Variants in ANAPC10 observed in about 807,000 individuals in gnomAD.
ANAPC10 encodes anaphase promoting complex subunit 10.
Under a neutral mutation model 22.0 loss-of-function variants are expected in ANAPC10, and 12 were observed. That is an observed-to-expected ratio of 0.55 (90% CI 0.35 to 0.88). ANAPC10 has a LOEUF of 0.88. ANAPC10 is among the 40% of genes least tolerant of loss of function. The pLI, the probability that ANAPC10 is intolerant of heterozygous loss-of-function variation, is 0.01. For synonymous variants in ANAPC10, 65 were observed against 69.5 expected (o/e 0.94, Z 0.32); for missense variants, 188 against 220.9 (o/e 0.85, Z 0.94).
intron 4 of ANAPC10, among the ~76,000 whole-genome samples, chr4:145,026,961 A>G (rs368631389): frequency 0.047 from 770 of 16,494 alleles, 23 homozygotes; most frequent in Non-Finnish European, 0.055. Context: ...GTGTGTGTAT[A>G]TATATATATA....
intron 3 of ANAPC10, among the ~76,000 whole-genome samples, chr4:145,067,831 TC>T (rs1299005929): frequency 6.6e-6 from 1 of 152,190 alleles, no homozygotes; most frequent in Non-Finnish European, 1.5e-5. Context: ...GGCTAAAAGA[TC>T]CAACTTCCCT....
intron 3 of ANAPC10, among the ~76,000 whole-genome samples, chr4:145,074,318 A>T (rs1647692047): frequency 6.6e-6 from 1 of 151,896 alleles, no homozygotes; most frequent in South Asian, 2.1e-4. Flanking sequence ...CTTTTTGAGG[A>T]GGGCAGAGGG....
At chr4:145,056,180 A>C (rs1742043065) in intron 4 of ANAPC10, among the ~76,000 whole-genome samples, 2 of 152,236 alleles carry the variant, frequency 1.3e-5, no homozygotes. Flanking sequence ...CATAAGATAC[A>C]GGTCATAAAG....
intron 2 of ANAPC10, among the ~76,000 whole-genome samples, chr4:145,093,606 T>C (rs1748047999): frequency 6.7e-6 from 1 of 150,220 alleles, no homozygotes; most frequent in Non-Finnish European, 1.5e-5. Context: ...AGATGAAATG[T>C]GTTAACAGAC....
At chr4:145,063,914 T>C (rs1234201784) in intron 4 of ANAPC10, 1 of 152,100 alleles carries the variant, frequency 6.6e-6, no homozygotes, top group African/African-American at 2.4e-5. Context: ...ACAGGCAATA[T>C]GGATCTATGA....
At chr4:145,074,374 T>C (rs1744904215) in intron 3 of ANAPC10, among the ~76,000 whole-genome samples, 1 of 152,092 alleles carries the variant, frequency 6.6e-6, no homozygotes, top group Non-Finnish European at 1.5e-5. Context: ...TTTTAATATA[T>C]TCTATTCAAA....
intron 2 of ANAPC10, among the ~76,000 whole-genome samples, chr4:145,085,425 G>A (rs1360399003): frequency 6.6e-6 from 1 of 151,136 alleles, no homozygotes; most frequent in Admixed American, 6.6e-5. Flanking sequence ...TTGATTAAAA[G>A]GTTTTTTTTT....
intron 4 of ANAPC10, among the ~76,000 whole-genome samples, chr4:145,038,587 G>A (rs1172452994): frequency 6.6e-6 from 1 of 152,112 alleles, no homozygotes; most frequent in Non-Finnish European, 1.5e-5. Context: ...CATTTTGGGA[G>A]GCCAAGGCAG....
At chr4:145,038,151 T>C (rs1390185830) in intron 4 of ANAPC10, among the ~76,000 whole-genome samples, 1 of 151,736 alleles carries the variant, frequency 6.6e-6, no homozygotes, top group Non-Finnish European at 1.5e-5. Context: ...CCTGGCAACA[T>C]AGTGAGACCC....
intron 4 of ANAPC10, among the ~76,000 whole-genome samples, chr4:145,054,209 A>T (rs1741574946): frequency 6.6e-6 from 1 of 150,844 alleles, no homozygotes; most frequent in South Asian, 2.1e-4. Context: ...GCCCAGCCTG[A>T]TTACTACTGT....
At chr4:145,035,508 C>T (rs1646209403) in intron 4 of ANAPC10, 1 of 152,294 alleles carries the variant, frequency 6.6e-6, no homozygotes, top group Admixed American at 6.5e-5. Flanking sequence ...AGGCCTACAA[C>T]TGACCCTCAT....
chr4:145,054,506 G>A (rs564186047), intron 4 of ANAPC10, among the ~76,000 whole-genome samples: 24 of 149,638 alleles, frequency 1.6e-4, no homozygotes, highest in East Asian at 1.2e-3. Context: ...TGCAGTGAGC[G>A]AGATCGCGCC....
intron 4 of ANAPC10, among the ~76,000 whole-genome samples, chr4:144,997,961 A>G (rs1422097972): frequency 6.6e-6 from 1 of 152,238 alleles, no homozygotes; most frequent in Non-Finnish European, 1.5e-5. Context: ...CTTTAAACCA[A>G]CAAAGATCAA....
chr4:145,006,003 T>C (rs1462987208), intron 4 of ANAPC10, among the ~76,000 whole-genome samples: 1 of 152,162 alleles, frequency 6.6e-6, no homozygotes, highest in Non-Finnish European at 1.5e-5. Context: ...AGATCCTGAA[T>C]ATCTGTGTTA....
At chr4:145,097,860 A>T (rs1748818059) in intron 1 of ANAPC10, 1 of 330,606 alleles carries the variant, frequency 3.0e-6, no homozygotes, top group East Asian at 7.8e-5. Context: ...AGCTCGGAAA[A>T]GATTGGATTC....
intron 4 of ANAPC10, among the ~76,000 whole-genome samples, chr4:145,041,449 A>G (rs1290563089): frequency 2.6e-5 from 4 of 152,244 alleles, no homozygotes; most frequent in African/African-American, 7.2e-5. Flanking sequence ...TTTTTGTTCT[A>G]TTCACAAGTA....
At chr4:145,039,621 A>T (rs973713649) in intron 4 of ANAPC10, among the ~76,000 whole-genome samples, 4 of 151,908 alleles carry the variant, frequency 2.6e-5, no homozygotes, top group African/African-American at 9.7e-5. Context: ...TTTGAAACAC[A>T]GTCTCGCTCT....
chr4:145,078,221 A>G (rs983230445), intron 3 of ANAPC10, among the ~76,000 whole-genome samples: 5 of 152,178 alleles, frequency 3.3e-5, no homozygotes, highest in Non-Finnish European at 7.3e-5. Context: ...ATTTCTATAT[A>G]CCAATAACAT....
At chr4:145,006,201 T>G (rs746754967) in intron 4 of ANAPC10, among the ~76,000 whole-genome samples, 3 of 151,964 alleles carry the variant, frequency 2.0e-5, no homozygotes, top group Non-Finnish European at 2.9e-5. Flanking sequence ...TTTACCATTA[T>G]GTAATGCCCT....
Sources: allele counts gnomAD v4.1 joint callset (sites outside exome capture counted in the v4.1 genomes callset), GRCh38; gene constraint gnomAD v4.1.1; transcripts MANE v1.5; gene names NCBI Gene and HGNC (gene_info 2026-07-23, HGNC 2026-07-21).